Variants in NUAK2 observed in about 807,000 individuals in gnomAD.
NUAK2 encodes NUAK family kinase 2, also known as NUAK family SNF1-like kinase 2.
NUAK2 carries 20 observed loss-of-function variants against 29.8 expected under a neutral mutation model. The ratio of observed to expected loss-of-function variants is 0.67; its 90% CI spans 0.47 to 0.98. NUAK2 has a LOEUF of 0.98. Among genes scored for constraint, NUAK2 ranks in the 50% least tolerant of loss-of-function variants. NUAK2 has a pLI of 0.00. For missense variants in NUAK2, 719 were observed against 834.5 expected (o/e 0.86, Z 1.71); for synonymous variants, 331 against 342.6 (o/e 0.97, Z 0.37).
At position 205,303,659 on chromosome 1, in the gene NUAK2, G is replaced by A. The variant is rs1662123247; in HGVS notation, c.1678C>T (p.Pro560Ser). ...AGTGGGGGCTCTGGGAGCCGTTCAG[G>A]CAAGTCCAGCTGGTCAAAGGACTCA... ...SSESFDQLDL[P>S]ERLPEPPLRG... The change falls in exon 7 of 7, where the codon CCT becomes TCT. Residue 560 changes from proline (P) to serine (S), a missense_variant. Around this residue, in one of 3 missense-constraint regions of NUAK2, gnomAD observed 430 missense variants for 465.7 expected, o/e 0.92. Transcript: ENST00000367157. The A allele has an allele frequency of 1.3e-6, 2 of 1,573,840 alleles. No individual in the cohort carries two copies. Among genetic ancestry groups the A allele is most frequent in the Non-Finnish European group, 1.7e-6 (2 of 1,161,100 alleles).
At chr1:205,318,504 C>T (rs1662360434) in intron 1 of NUAK2, among the ~76,000 whole-genome samples, 1 of 152,244 alleles carries the variant, frequency 6.6e-6, no homozygotes, top group African/African-American at 2.4e-5. Context: ...AGGACTCGGA[C>T]CACCTCAGTC....
chr1:205,321,553 C>T lies in NUAK2; in HGVS notation c.76G>A (p.Gly26Arg). The T allele has an allele frequency of 1.9e-6, 3 of 1,613,768 alleles. No individual in the cohort carries two copies. Among genetic ancestry groups the T allele is most frequent in the Non-Finnish European group, 2.5e-6 (3 of 1,179,906 alleles). ...AGGGGCTTGGGCGACTTGATCAGCC[C>T]TTCCGCCAGCGGCCGGGCTAGCTCT... ...AAELARPLAEGLIKSPKPLMK... is the reference protein window; with the variant it reads ...AAELARPLAERLIKSPKPLMK... The change falls in exon 1 of 7, where the codon GGG (glycine) becomes AGG (arginine). Residue 26 changes from glycine to arginine, a missense_variant. This residue lies in a region of NUAK2 where 283 missense variants were observed against 345.6 expected (regional missense o/e 0.82). Coordinates refer to ENST00000367157, the MANE Select transcript of NUAK2 (RefSeq NM_030952.3).
intron 5 of NUAK2, among the ~76,000 whole-genome samples, chr1:205,305,838 A>C (rs955925807): frequency 6.6e-6 from 1 of 152,136 alleles, no homozygotes; most frequent in Non-Finnish European, 1.5e-5. Flanking sequence ...CAGCCTCCCA[A>C]GTAACTGGGA....
chr1:205,318,127 G>A (rs951309151), intron 1 of NUAK2, among the ~76,000 whole-genome samples: 3 of 152,186 alleles, frequency 2.0e-5, no homozygotes, highest in African/African-American at 4.8e-5. Context: ...ATGGAGCCAC[G>A]ATTTGAATGC....
rs574001744 is a variant in NUAK2, at chr1:205,303,755, C to T, written c.1582G>A (p.Ala528Thr). Residue 528 changes from alanine to threonine, a missense_variant, in exon 7 of 7, where the codon GCC (alanine) becomes ACC (threonine). Coordinates refer to ENST00000367157, the MANE Select transcript of NUAK2 (RefSeq NM_030952.3). ...GCCCGGGCCAGGGGGCGAGGTGGGG[C>T]GAGTTCATCCAGGGAGCCGAAGGTG... Reference protein sequence around the residue: ...PTTFGSLDELAPPRPLARASR... With the variant: ...PTTFGSLDELTPPRPLARASR... 1.2e-5 allele frequency: 18 copies of T among 1,545,176 alleles called. No homozygotes were observed. Among genetic ancestry groups the T allele is most frequent in the South Asian group, 8.8e-5 (7 of 79,346 alleles).
rs1035967984 is a variant in NUAK2, at chr1:205,302,376, A to G, written c.*1074T>C. On this transcript the variant is annotated 3_prime_UTR_variant, in exon 7 of 7. Transcript: ENST00000367157. ...AGAACACATCCATAGTCTGGACTTT[A>G]GAGCAGCTTAGAGGCAGAAGTTCTG... 1 of 152,706 alleles carries G rather than the reference A, an allele frequency of 6.5e-6. No homozygotes were observed. The highest frequency in any genetic ancestry group is 2.4e-5 in the African/African-American group (1 of 41,468). 9.5% of individuals were successfully genotyped at this position (152,706 alleles called of 1,614,324 possible).
chr1:205,315,967 C>G lies in NUAK2; in HGVS notation c.232-4142G>C, dbSNP rs554620332. Among the ~76,000 whole-genome samples the G allele has an allele frequency of 8.5e-5, 13 of 152,276 alleles. 1 individual carries two copies. Among genetic ancestry groups the G allele is most frequent in the Non-Finnish European group, 1.5e-4 (10 of 68,022 alleles). Reference sequence around the variant, plus strand: ...CACCCAGAGGCAGGAAGGCCACATGCCTGAGACAGTCCTGGTCTAATTACT... The same window carrying G: ...CACCCAGAGGCAGGAAGGCCACATGGCTGAGACAGTCCTGGTCTAATTACT... On this transcript the variant is annotated intron_variant, in intron 1 of 6. Coordinates refer to ENST00000367157, the MANE Select transcript of NUAK2 (RefSeq NM_030952.3).
chr1:205,309,028 C>T (rs1287010770), intron 2 of NUAK2, among the ~76,000 whole-genome samples: 7 of 151,538 alleles, frequency 4.6e-5, no homozygotes, highest in African/African-American at 9.7e-5. Context: ...AAGGCAGAGA[C>T]GTCACTAGAT....
In NUAK2 at chr1:205,304,531, G is replaced by A. The variant is rs1441431380; in HGVS notation, c.824-18C>T. The A allele has an allele frequency of 6.7e-7, 1 of 1,494,848 alleles. No individual in the cohort carries two copies. The allele number at this position is 1,494,848 out of a possible 1,614,324, so 92.6% of individuals were successfully genotyped here. ...ACAGGCATCTGGAAGACAAAAGGCA[G>A]GTGCTTCAGTTTGGCAGCTCCCAGA... is the stretch of plus-strand genomic sequence containing the variant. On this transcript the variant is annotated intron_variant, in intron 6 of 6. Coordinates refer to ENST00000367157, the MANE Select transcript of NUAK2 (RefSeq NM_030952.3). This position sits in a 1 kb window ranked among gnomAD's most constrained non-coding sequence, Gnocchi z 6.5.
intron 1 of NUAK2, 62 bp downstream of exon 1, chr1:205,321,336 C>A: frequency 2.1e-6 from 3 of 1,448,986 alleles, no homozygotes; most frequent in Non-Finnish European, 2.8e-6. Flanking sequence ...CCGCCCTCCT[C>A]CGCTCCCTGC....
At position 205,308,064 on chromosome 1, in the gene NUAK2, C is replaced by T. The variant is rs1022281354; in HGVS notation, c.570+101G>A. The stretch of plus-strand genomic sequence containing the variant: ...CAATGAAGGTCAGCCTTGCTCAGCT[C>T]CTTCAGGAATCCACCAAGAGCTTAG... On this transcript the variant is annotated intron_variant, in intron 4 of 6. Transcript: ENST00000367157. This position sits in a 1 kb window ranked among gnomAD's most constrained non-coding sequence, Gnocchi z 4.1. 3.1e-4 allele frequency: 247 copies of T among 791,324 alleles called. 1 individual carries two copies. The highest frequency in any genetic ancestry group is 8.4e-5 in the Non-Finnish European group (39 of 462,692). The allele number at this position is 791,324 out of a possible 1,614,324, so 49.0% of individuals were successfully genotyped here.
Position 205,308,736 on chromosome 1 carries a change from G to A in NUAK2, c.353-4C>T, listed in dbSNP as rs1269755998. The A allele has an allele frequency of 1.9e-6, 3 of 1,612,958 alleles. No individual in the cohort carries two copies. The highest frequency in any genetic ancestry group is 1.1e-5 in the South Asian group (1 of 91,062). On this transcript the variant is annotated splice_region_variant and splice_polypyrimidine_tract_variant and intron_variant, in intron 2 of 6. Coordinates refer to ENST00000367157, the MANE Select transcript of NUAK2 (RefSeq NM_030952.3). The surrounding 1 kb of genome is among the most constrained non-coding windows in gnomAD (Gnocchi z 4.1). Reference sequence around the variant, plus strand: ...ATCTTGCTGCTGTTCTCAAACACTGGGCAGAGCAAGGCAAGGAACGTCAGG... The same window carrying A: ...ATCTTGCTGCTGTTCTCAAACACTGAGCAGAGCAAGGCAAGGAACGTCAGG...
intron 1 of NUAK2, among the ~76,000 whole-genome samples, chr1:205,313,103 T>C (rs1489373901): frequency 6.6e-6 from 1 of 152,116 alleles, no homozygotes; most frequent in Non-Finnish European, 1.5e-5. Context: ...ATGTGCATAG[T>C]GTTTCGGTTT....
intron 1 of NUAK2, among the ~76,000 whole-genome samples, chr1:205,316,812 G>A (rs911063385): frequency 6.6e-6 from 1 of 152,200 alleles, no homozygotes; most frequent in Non-Finnish European, 1.5e-5. Context: ...TGTCCCAGTG[G>A]TTTTCTTGCC....
rs917885275 is a variant in NUAK2 at position 205,308,975 on chromosome 1, T to G, written c.353-243A>C. ...GGCTCATCCTCTGCCTCCGTGGAAG[T>G]TCAGGCTTTTGGGAATTCTGAAAAT... On this transcript the variant is annotated intron_variant, in intron 2 of 6. Coordinates refer to ENST00000367157, the MANE Select transcript of NUAK2 (RefSeq NM_030952.3). This position sits in a 1 kb window ranked among gnomAD's most constrained non-coding sequence, Gnocchi z 4.1. 2.0e-5 allele frequency among the ~76,000 whole-genome samples: 3 copies of G among 151,946 alleles called. No individual in the cohort carries two copies. Among genetic ancestry groups the G allele is most frequent in the Non-Finnish European group, 4.4e-5 (3 of 68,012 alleles).
intron 1 of NUAK2, among the ~76,000 whole-genome samples, chr1:205,313,773 G>T (rs1014413256): frequency 6.6e-6 from 1 of 152,100 alleles, no homozygotes; most frequent in African/African-American, 2.4e-5. Context: ...GCCCTCAGAG[G>T]CTGCAGGGCT....
Position 205,302,208 on chromosome 1 carries a change from T to C in NUAK2, c.*1242A>G, listed in dbSNP as rs1021540674. 4.6e-5 allele frequency: 7 copies of C among 152,756 alleles called. No homozygotes were observed. Among genetic ancestry groups the C allele is most frequent in the Non-Finnish European group, 1.0e-4 (7 of 68,046 alleles). The allele number at this position is 152,756 out of a possible 1,614,324, so 9.5% of individuals were successfully genotyped here. A position where few individuals can be genotyped will look rare whatever the true frequency, so the allele number is the denominator to read the frequency against. On this transcript the variant is annotated 3_prime_UTR_variant, in exon 7 of 7. Transcript: ENST00000367157. ...GGAAATAGTTGCAAAAATATCTCTC[T>C]GTACACAAAACTTAGATGTCATAGT...
intron 1 of NUAK2, among the ~76,000 whole-genome samples, chr1:205,317,528 G>T (rs1662346235): frequency 6.6e-6 from 1 of 152,206 alleles, no homozygotes; most frequent in Non-Finnish European, 1.5e-5. Flanking sequence ...GCAGGGATCA[G>T]GAATGGGCTC....
At chr1:205,311,878 G>A in intron 1 of NUAK2, 53 bp from the exon 2 acceptor site, 2 of 1,607,734 alleles carry the variant, frequency 1.2e-6, no homozygotes, top group Non-Finnish European at 1.7e-6. Flanking sequence ...AGGACACTCT[G>A]GGGGCCCTGG....
Sources: allele counts gnomAD v4.1 joint callset (sites outside exome capture counted in the v4.1 genomes callset), GRCh38; gene constraint gnomAD v4.1.1; regional missense constraint gnomAD v4.1.1; non-coding constraint Gnocchi (gnomAD v3.1); transcripts MANE v1.5; gene names NCBI Gene and HGNC (gene_info 2026-07-23, HGNC 2026-07-21).